NBAS: variants seen among roughly 807,000 people sequenced by gnomAD.
NBAS encodes the protein NAG/BC035112 fusion.
NBAS carries 219 observed loss-of-function variants against 302.5 expected under a neutral mutation model. That is an observed-to-expected ratio of 0.72 (90% CI 0.65 to 0.81). The LOEUF is 0.81. Among genes scored for constraint, NBAS ranks in the 30% least tolerant of loss-of-function variants. The probability of loss-of-function intolerance (pLI) is 0.00; values close to 1 mark genes in which losing one functional copy is unlikely to be tolerated. For synonymous variants in NBAS, 1,118 were observed against 1,021.6 expected, an observed-to-expected ratio of 1.09 and a Z score of -1.80; for missense variants, 2,932 against 2,841.6, an observed-to-expected ratio of 1.03 and a Z score of -0.72.
intron 48 of NBAS, among the ~76,000 whole-genome samples, chr2:15,196,660 T>C (rs1042009501): frequency 2.0e-5 from 3 of 152,162 alleles, no homozygotes; most frequent in African/African-American, 4.8e-5. Context: ...TCCCTATACA[T>C]GATGTGACAT....
the NBAS span, among the ~76,000 whole-genome samples, chr2:15,046,614 T>A: frequency 2.6e-5 from 4 of 152,176 alleles, no homozygotes; most frequent in Admixed American, 1.3e-4. Context: ...ATTTTATATA[T>A]TTTTTTGCCA....
At chr2:15,090,383 C>T in the NBAS span, among the ~76,000 whole-genome samples, 76 of 152,288 alleles carry the variant, frequency 5.0e-4, no homozygotes, top group African/African-American at 1.7e-3. Context: ...ATAAGACATA[C>T]GTATCTGGGT....
chr2:15,540,173 T>TGAA (rs1663734773), intron 6 of NBAS, among the ~76,000 whole-genome samples: 3 of 152,180 alleles, frequency 2.0e-5, no homozygotes, highest in Admixed American at 2.0e-4. Context: ...AGACAAGTGT[T>TGAA]CTTCCTTTCC....
intron 48 of NBAS, among the ~76,000 whole-genome samples, chr2:15,213,621 T>G (rs765609463): frequency 6.6e-6 from 1 of 152,208 alleles, no homozygotes; most frequent in Non-Finnish European, 1.5e-5. Flanking sequence ...TGGTTTGAGT[T>G]CCATGTATCA....
At chr2:15,341,447 CACCCATAGATT>C (rs1672847952) in intron 35 of NBAS, among the ~76,000 whole-genome samples, 1 of 151,642 alleles carries the variant, frequency 6.6e-6, no homozygotes, top group Admixed American at 6.6e-5. Flanking sequence ...AAACTGTTAA[CACCCATAGATT>C]ACACTGTAAC....
chr2:15,067,437 G>A, the NBAS span, among the ~76,000 whole-genome samples: 1 of 61,010 alleles, frequency 1.6e-5, no homozygotes, highest in Non-Finnish European at 3.6e-5. Flanking sequence ...GAGGAGGGGA[G>A]AGGAGGGGAG....
At chr2:14,784,947 A>G in the NBAS span, among the ~76,000 whole-genome samples, 4 of 152,226 alleles carry the variant, frequency 2.6e-5, no homozygotes, top group African/African-American at 9.6e-5. Context: ...CTTCCTACCC[A>G]TGAGCATGGA....
At position 15,356,403 on chromosome 2, in the gene NBAS, T is replaced by C; in HGVS notation, c.3831A>G (p.Glu1277=). The change falls in exon 33 of 52, where the codon GAA becomes GAG. Residue 1277 remains glutamate, a synonymous_variant. Coordinates refer to ENST00000281513, the MANE Select transcript of NBAS (RefSeq NM_015909.4). ...ELLRVAGENP[E]ERRGQVLILL... The stretch of plus-strand genomic sequence containing the variant: ...GGATTAGAACCTGTCCCCGCCTTTC[T>C]TCTGGGTTCTCACCTGTAAGTCCAA... 6.2e-7 allele frequency: 1 copy of C among 1,613,774 alleles called. No homozygotes were observed. Among genetic ancestry groups the C allele is most frequent in the Non-Finnish European group, 8.5e-7 (1 of 1,179,708 alleles).
chr2:15,086,424 G>A, the NBAS span, among the ~76,000 whole-genome samples: 88 of 152,236 alleles, frequency 5.8e-4, no homozygotes, highest in African/African-American at 1.8e-3. Context: ...CTTCCTGGTC[G>A]CAGGACAAGA....
At chr2:15,481,921 C>T (rs1680444003) in intron 12 of NBAS, among the ~76,000 whole-genome samples, 1 of 152,166 alleles carries the variant, frequency 6.6e-6, no homozygotes, top group South Asian at 2.1e-4. Context: ...TCCCTTCTCC[C>T]TTGAAGACCC....
chr2:15,401,115 C>T (rs1038897806), intron 26 of NBAS, among the ~76,000 whole-genome samples: 2 of 151,642 alleles, frequency 1.3e-5, no homozygotes, highest in African/African-American at 4.8e-5. Flanking sequence ...AAGATCATGG[C>T]AGTTAGAGCC....
intron 29 of NBAS, among the ~76,000 whole-genome samples, chr2:15,382,679 G>C (rs956236593): frequency 2.0e-5 from 3 of 152,188 alleles, no homozygotes; most frequent in African/African-American, 7.2e-5. Context: ...AAGTGGAAGA[G>C]GTGAGGGAGC....
the NBAS span, among the ~76,000 whole-genome samples, chr2:15,052,474 G>T: frequency 2.6e-5 from 4 of 152,258 alleles, no homozygotes; most frequent in East Asian, 7.7e-4. Context: ...ATGACCTGGT[G>T]GCTGTCGTCT....
chr2:14,797,367 T>G, the NBAS span, among the ~76,000 whole-genome samples: 43 of 152,294 alleles, frequency 2.8e-4, no homozygotes, highest in Admixed American at 6.5e-4. Context: ...GTAGCTTTCT[T>G]GCCCTCTGCC....
At chr2:15,343,848 A>G (rs183445823) in intron 35 of NBAS, among the ~76,000 whole-genome samples, 1 of 152,054 alleles carries the variant, frequency 6.6e-6, no homozygotes, top group Admixed American at 6.6e-5. Flanking sequence ...ATAAAAGAAA[A>G]TATTAATAAA....
intron 28 of NBAS, among the ~76,000 whole-genome samples, 191 bp from the exon 29 acceptor site, chr2:15,383,508 A>T (rs547738893): frequency 1.3e-5 from 2 of 152,290 alleles, no homozygotes; most frequent in South Asian, 4.1e-4. Flanking sequence ...GATAGAGGGG[A>T]AAGTTGGGCA....
chr2:15,197,568 G>A (rs952768993), intron 48 of NBAS, among the ~76,000 whole-genome samples: 8 of 152,076 alleles, frequency 5.3e-5, no homozygotes, highest in Non-Finnish European at 1.0e-4. Context: ...TTAGACAGAC[G>A]ATCCTCAACT....
chr2:15,339,068 G>C (rs1387385657), intron 35 of NBAS, among the ~76,000 whole-genome samples: 1 of 152,016 alleles, frequency 6.6e-6, no homozygotes, highest in Non-Finnish European at 1.5e-5. Flanking sequence ...GGATTTAGAG[G>C]CCAAACCCTT....
chr2:15,486,453 C>G (rs905872615), intron 12 of NBAS, among the ~76,000 whole-genome samples: 7 of 152,244 alleles, frequency 4.6e-5, no homozygotes, highest in South Asian at 4.1e-4. Flanking sequence ...GTTTCAGGAA[C>G]ATGGAATCAA....
Sources: gnomAD v4.1 joint callset for allele counts (sites outside exome capture counted in the v4.1 genomes callset) on GRCh38, gnomAD v4.1.1 for gene constraint, MANE v1.5 for transcripts, NCBI Gene and HGNC (gene_info 2026-07-23, HGNC 2026-07-21) for gene names.